The following ABCG1 variants were observed in gnomAD, a reference collection of about 807,000 sequenced individuals.
ABCG1 encodes ATP binding cassette subfamily G member 1, also known as ATP-binding cassette sub-family G member 1.
A neutral mutation model predicts 69.2 loss-of-function variants in ABCG1; 29 were observed. The observed-to-expected ratio is 0.42, with a 90% CI of 0.31 to 0.57. ABCG1 has a LOEUF of 0.57. Ranked by LOEUF, ABCG1 falls within the 20% of genes least tolerant of loss-of-function variation. The pLI is 0.15. For missense variants in ABCG1, 718 were observed against 898.1 expected (o/e 0.80, Z 2.56); for synonymous variants, 370 against 374.8 (o/e 0.99, Z 0.15).
At chr21:42,215,604 G>A (rs1297767611), upstream of ABCG1, among the ~76,000 whole-genome samples, 1 of 152,192 alleles carries the variant, frequency 6.6e-6, no homozygotes, top group Non-Finnish European at 1.5e-5. Context: ...CTGAATAGGT[G>A]TTCTTTGGTG....
upstream of ABCG1, among the ~76,000 whole-genome samples, chr21:42,214,376 C>G (rs947049007): frequency 6.6e-6 from 1 of 152,202 alleles, no homozygotes; most frequent in Non-Finnish European, 1.5e-5. Context: ...GTGCTATGAA[C>G]AATACCTTTC....
intron 3 of ABCG1, among the ~76,000 whole-genome samples, chr21:42,272,083 T>C (rs748395960): frequency 9.2e-5 from 14 of 152,238 alleles, no homozygotes; most frequent in Non-Finnish European, 1.5e-4. Flanking sequence ...ATAATAGTAA[T>C]AATTTCATTT....
In ABCG1 at chr21:42,219,854, C is replaced by T; in HGVS notation, c.42+550C>T. 6.6e-7 allele frequency: 1 copy of T among 1,524,112 alleles called. No homozygotes were observed. The highest frequency in any genetic ancestry group is 8.8e-7 in the Non-Finnish European group (1 of 1,137,416). The allele number at this position is 1,524,112 out of a possible 1,614,324, so 94.4% of individuals were successfully genotyped here. A position where few individuals can be genotyped will look rare whatever the true frequency, so the allele number is the denominator to read the frequency against. On this transcript the variant is annotated intron_variant, in intron 1 of 14. Coordinates refer to ENST00000398449, the MANE Select transcript of ABCG1 (RefSeq NM_016818.3). The surrounding 1 kb of genome is among the most constrained non-coding windows in gnomAD (Gnocchi z 5.3). ...ACTGCACTCCCGGGGACACCCTCTC[C>T]CGGACCCACTCGGGGAGGCGGCGGC...
intron 2 of ABCG1, among the ~76,000 whole-genome samples, chr21:42,267,367 G>C (rs1282597751): frequency 2.6e-5 from 4 of 151,952 alleles, no homozygotes; most frequent in African/African-American, 7.3e-5. Context: ...GGTCTGGTTT[G>C]GGTTCTGTCT....
intron 2 of ABCG1, among the ~76,000 whole-genome samples, chr21:42,204,875 T>G (rs2067531483): frequency 6.6e-6 from 1 of 152,200 alleles, no homozygotes; most frequent in South Asian, 2.1e-4. Context: ...GTATGCTAAC[T>G]AAATAAAATG....
At chr21:42,277,284 C>G (rs558796358) in intron 5 of ABCG1, among the ~76,000 whole-genome samples, 1 of 151,970 alleles carries the variant, frequency 6.6e-6, no homozygotes, top group African/African-American at 2.4e-5. Flanking sequence ...TTAATATGAT[C>G]GATATTAAAT....
chr21:42,236,297 C>T (rs754475657), intron 2 of ABCG1, among the ~76,000 whole-genome samples: 7 of 152,234 alleles, frequency 4.6e-5, no homozygotes, highest in African/African-American at 7.2e-5. Context: ...CTGAACTTTA[C>T]GGAGTGTTTT....
chr21:42,274,483 TTTTTTTTTG>T (rs1279705750), intron 4 of ABCG1, among the ~76,000 whole-genome samples: 193 of 149,970 alleles, frequency 1.3e-3, no homozygotes, highest in African/African-American at 4.7e-3. Context: ...GCCTTTTTTT[TTTTTTTTTG>T]GGGACAGAGT....
In ABCG1 at chr21:42,291,242, T is replaced by C. The variant is rs1281733250; in HGVS notation, c.1494+50T>C. 2.1e-6 allele frequency: 3 copies of C among 1,448,616 alleles called. No individual in the cohort carries two copies. The highest frequency in any genetic ancestry group is 4.6e-5 in the East Asian group (2 of 43,816). 89.7% of individuals were successfully genotyped at this position (1,448,616 alleles called of 1,614,324 possible). A position where few individuals can be genotyped will look rare whatever the true frequency, so the allele number is the denominator to read the frequency against. On this transcript the variant is annotated intron_variant, in intron 12 of 14. Coordinates refer to ENST00000398449, the MANE Select transcript of ABCG1 (RefSeq NM_016818.3). This position sits in a 1 kb window ranked among gnomAD's most constrained non-coding sequence, Gnocchi z 6.4. ...TGAAACGGGGGCAAGAGTTCTCCTG[T>C]ACACCCTTTATATCGAGTAAGAGGA...
intron 2 of ABCG1, among the ~76,000 whole-genome samples, chr21:42,238,701 G>C (rs910451966): frequency 6.6e-6 from 1 of 152,184 alleles, no homozygotes; most frequent in Non-Finnish European, 1.5e-5. Flanking sequence ...CACGGGCGAG[G>C]TTGATGCAGG....
chr21:42,226,656 T>C (rs552593800), intron 2 of ABCG1, among the ~76,000 whole-genome samples: 2 of 152,218 alleles, frequency 1.3e-5, no homozygotes, highest in African/African-American at 2.4e-5. Context: ...ATCTGTTTCT[T>C]CTGTGGAATT....
chr21:42,280,956 C>G (rs1169744902), intron 5 of ABCG1, among the ~76,000 whole-genome samples: 1 of 152,250 alleles, frequency 6.6e-6, no homozygotes, highest in African/African-American at 2.4e-5. Flanking sequence ...GGGTTGGCGG[C>G]CCTCAGAGCC....
At chr21:42,280,651 T>TC (rs1331401229) in intron 5 of ABCG1, among the ~76,000 whole-genome samples, 7 of 152,184 alleles carry the variant, frequency 4.6e-5, no homozygotes, top group African/African-American at 1.7e-4. Flanking sequence ...TGGGCCCAGC[T>TC]CATGGGCAGG....
intron 2 of ABCG1, among the ~76,000 whole-genome samples, chr21:42,263,040 C>A (rs929716297): frequency 6.6e-6 from 1 of 152,204 alleles, no homozygotes; most frequent in Non-Finnish European, 1.5e-5. Flanking sequence ...CCGTGTCCCC[C>A]GACTCTTCCT....
upstream of ABCG1, among the ~76,000 whole-genome samples, chr21:42,215,234 C>T (rs2067627385): frequency 6.6e-6 from 1 of 152,220 alleles, no homozygotes; most frequent in Admixed American, 6.5e-5. Flanking sequence ...CAAGGGGTCA[C>T]CCCACCACAG....
At chr21:42,259,159 G>A (rs780356625) in intron 2 of ABCG1, among the ~76,000 whole-genome samples, 21 of 152,226 alleles carry the variant, frequency 1.4e-4, no homozygotes, top group Non-Finnish European at 2.8e-4. Context: ...CCCTGCCTGG[G>A]AGACATGTCT....
rs1428903701 is a variant in ABCG1, at chr21:42,219,944, C to G, written c.42+640C>G. The stretch of plus-strand genomic sequence containing the variant: ...CTGCCGGCCGCCTTTCTGCGCGCGC[C>G]GGAGAGAGAGACGCGGTGGGGACAG... On this transcript the variant is annotated intron_variant, in intron 1 of 14. Transcript: ENST00000398449. The surrounding 1 kb of genome is among the most constrained non-coding windows in gnomAD (Gnocchi z 5.3). 1.9e-6 allele frequency: 3 copies of G among 1,551,252 alleles called. No individual in the cohort carries two copies. The South Asian group carries it at 3.6e-5, about 18-fold the overall frequency.
At chr21:42,285,787 G>A (rs1464306270) in intron 7 of ABCG1, 93 bp from the exon 8 acceptor site, 24 of 853,494 alleles carry the variant, frequency 2.8e-5, no homozygotes, top group Middle Eastern at 2.8e-4. Flanking sequence ...CTGATTGATC[G>A]GTTGATTGAT....
intron 3 of ABCG1, among the ~76,000 whole-genome samples, chr21:42,272,058 C>T (rs1286277881): frequency 6.6e-6 from 1 of 152,220 alleles, no homozygotes; most frequent in Non-Finnish European, 1.5e-5. Context: ...TATTTACTAA[C>T]TTTGGCAAAT....
Sources: gnomAD v4.1 joint callset for allele counts (sites outside exome capture counted in the v4.1 genomes callset) on GRCh38, gnomAD v4.1.1 for gene constraint, Gnocchi (gnomAD v3.1) non-coding constraint, MANE v1.5 for transcripts, NCBI Gene and HGNC (gene_info 2026-07-23, HGNC 2026-07-21) for gene names.